The following FRMPD4 variants were observed in gnomAD, a reference collection of about 807,000 sequenced individuals.
FRMPD4 encodes FERM and PDZ domain-containing protein 4.
A neutral mutation model predicts 94.1 loss-of-function variants in FRMPD4; 22 were observed. The ratio of observed to expected loss-of-function variants is 0.23; its 90% CI spans 0.17 to 0.33. FRMPD4 has a LOEUF of 0.33. Among genes scored for constraint, FRMPD4 ranks in the 10% least tolerant of loss-of-function variants. The pLI, the probability that FRMPD4 is intolerant of heterozygous loss-of-function variation, is 1.00. For missense variants in FRMPD4, 1,111 were observed against 1,339.9 expected (o/e 0.83, Z 2.67); for synonymous variants, 631 against 548.6 (o/e 1.15, Z -2.10).
intron 14 of FRMPD4, 71 bp from the exon 15 acceptor site, chrX:12,715,998 G>GCCGGGGGCC: frequency 1.3e-5 from 5 of 383,852 alleles, no homozygotes; most frequent in South Asian, 6.1e-5. Flanking sequence ...ACAGAGACGA[G>GCCGGGGGCC]CCTCCCACCC....
intron 1 of FRMPD4, among the ~76,000 whole-genome samples, chrX:12,425,931 G>T (rs768891010): frequency 9.0e-6 from 1 of 111,494 alleles, no homozygotes; most frequent in Admixed American, 9.5e-5. Context: ...AATACTCTTC[G>T]GCAATGCAGT....
chrX:12,022,965 C>T (rs1171173279), intron 3 of FRMPD4, among the ~76,000 whole-genome samples: 2 of 110,881 alleles, frequency 1.8e-5, no homozygotes, highest in African/African-American at 6.6e-5. Context: ...TCCCTGTCTG[C>T]ACTATGCTAT....
intron 1 of FRMPD4, among the ~76,000 whole-genome samples, chrX:12,475,998 A>G (rs1323843175): frequency 8.9e-6 from 1 of 111,988 alleles, no homozygotes; most frequent in Admixed American, 9.5e-5. Flanking sequence ...AAGAGCCCGC[A>G]TTGCCAAGTC....
chrX:12,145,489 A>C (rs1206829570), intron 1 of FRMPD4, among the ~76,000 whole-genome samples: 2 of 112,983 alleles, frequency 1.8e-5, no homozygotes, highest in African/African-American at 6.4e-5. Context: ...TAAATCCCAA[A>C]CATGCCCAAC....
intron 3 of FRMPD4, among the ~76,000 whole-genome samples, chrX:11,885,896 C>G (rs949331205): frequency 8.9e-6 from 1 of 111,988 alleles, no homozygotes; most frequent in African/African-American, 3.2e-5. Flanking sequence ...TTCTATTCCA[C>G]TGACCTTATT....
chrX:12,345,355 C>T, intron 1 of FRMPD4, among the ~76,000 whole-genome samples: 1 of 111,509 alleles, frequency 9.0e-6, no homozygotes, highest in Non-Finnish European at 1.9e-5. Context: ...ATGTGTGTGA[C>T]CTTGCCTTTC....
chrX:12,609,000 AATAAC>A (rs1453991169), intron 2 of FRMPD4, among the ~76,000 whole-genome samples: 2 of 112,810 alleles, frequency 1.8e-5, no homozygotes, highest in Non-Finnish European at 3.7e-5. Flanking sequence ...AAGTCTTACC[AATAAC>A]ATAACAGTTG....
chrX:12,361,634 C>T (rs749599502), intron 1 of FRMPD4, among the ~76,000 whole-genome samples: 3 of 112,028 alleles, frequency 2.7e-5, no homozygotes, highest in East Asian at 2.8e-4. Context: ...GAAAATGACA[C>T]GTTTTTGCAT....
chrX:12,340,601 C>T (rs1178892391), intron 1 of FRMPD4, among the ~76,000 whole-genome samples: 1 of 111,572 alleles, frequency 9.0e-6, no homozygotes, highest in Non-Finnish European at 1.9e-5. Context: ...GGCCACTGTC[C>T]CCTACCTTAG....
chrX:12,423,820 G>A (rs1034139792), intron 1 of FRMPD4, among the ~76,000 whole-genome samples: 59 of 111,693 alleles, frequency 5.3e-4, no homozygotes, highest in Non-Finnish European at 8.1e-4. Context: ...AGCATGTGGG[G>A]ACTGCTGACA....
At chrX:12,252,994 A>G (rs2054064064) in intron 1 of FRMPD4, among the ~76,000 whole-genome samples, 1 of 112,310 alleles carries the variant, frequency 8.9e-6, no homozygotes, top group African/African-American at 3.2e-5. Flanking sequence ...TCAGCTATGT[A>G]TGAGAACATC....
intron 1 of FRMPD4, among the ~76,000 whole-genome samples, chrX:12,180,940 C>T: frequency 8.9e-6 from 1 of 112,420 alleles, no homozygotes; most frequent in South Asian, 3.7e-4. Flanking sequence ...CAGGGCCTGA[C>T]ATTGGCCTGG....
At chrX:12,149,681 A>G (rs755739137) in intron 1 of FRMPD4, among the ~76,000 whole-genome samples, 175 of 112,602 alleles carry the variant, frequency 1.6e-3, no homozygotes, top group Non-Finnish European at 2.3e-3. Context: ...AGAATATGAC[A>G]CAAACTTAGT....
chrX:12,299,227 T>C (rs2054820124), intron 1 of FRMPD4, among the ~76,000 whole-genome samples: 1 of 110,327 alleles, frequency 9.1e-6, no homozygotes, highest in African/African-American at 3.3e-5. Flanking sequence ...TAGTTTTTCT[T>C]TCCAAGCAGT....
chrX:12,479,448 A>ATG (rs1569293656), intron 1 of FRMPD4, among the ~76,000 whole-genome samples: 1 of 101,351 alleles, frequency 9.9e-6, no homozygotes, highest in Admixed American at 1.1e-4. Context: ...ACATATATGT[A>ATG]TATATATGTA....
chrX:11,850,552 G>A (rs2053615102), intron 1 of FRMPD4, among the ~76,000 whole-genome samples: 1 of 112,492 alleles, frequency 8.9e-6, no homozygotes, highest in African/African-American at 3.2e-5. Context: ...AGCAACTGAA[G>A]TGTCCATTGC....
chrX:12,668,883 G>A (rs1003854809), intron 4 of FRMPD4, among the ~76,000 whole-genome samples: 1 of 111,399 alleles, frequency 9.0e-6, no homozygotes, highest in Non-Finnish European at 1.9e-5. Context: ...GGGATTACAG[G>A]CATGAGCAAC....
intron 3 of FRMPD4, among the ~76,000 whole-genome samples, chrX:11,879,105 A>G (rs1422761403): frequency 1.8e-5 from 2 of 112,301 alleles, no homozygotes; most frequent in Non-Finnish European, 3.8e-5. Flanking sequence ...AGTTCACTGT[A>G]AGGTAGATTT....
chrX:12,598,955 C>A (rs113658139), intron 2 of FRMPD4, among the ~76,000 whole-genome samples: 3,190 of 111,999 alleles, frequency 0.028, 115 homozygotes, highest in African/African-American at 0.098. Flanking sequence ...TCTCTTTTAT[C>A]AAAATTAATT....
Sources: allele counts gnomAD v4.1 joint callset (sites outside exome capture counted in the v4.1 genomes callset), GRCh38; gene constraint gnomAD v4.1.1; transcripts MANE v1.5; gene names NCBI Gene and HGNC (gene_info 2026-07-23, HGNC 2026-07-21).